Variants in IKBKB observed in about 807,000 individuals in gnomAD.
The protein encoded by IKBKB is inhibitor of nuclear factor kappa B kinase subunit beta, also known as inhibitor of nuclear factor kappa-B kinase subunit beta.
IKBKB carries 42 observed loss-of-function variants against 113.6 expected under a neutral mutation model. That is an observed-to-expected ratio of 0.37 (90% confidence interval 0.29 to 0.48). The LOEUF (loss-of-function observed/expected upper bound fraction) is 0.48, where lower values mean the gene tolerates loss of function less well. Ranked by LOEUF, IKBKB falls within the 20% of genes least tolerant of loss-of-function variation. IKBKB has a pLI of 0.99. For missense variants in IKBKB, 673 were observed against 939.7 expected (o/e 0.72, Z 3.71); for synonymous variants, 296 against 361.3 (o/e 0.82, Z 2.05).
At chr8:42,277,543 C>T (rs1357869611) in intron 2 of IKBKB, among the ~76,000 whole-genome samples, 1 of 152,160 alleles carries the variant, frequency 6.6e-6, no homozygotes, top group East Asian at 1.9e-4. Context: ...CGGCTGAACC[C>T]CACACAGTCT....
intron 19 of IKBKB, chr8:42,325,367 A>G (rs778223246): frequency 5.9e-5 from 58 of 985,720 alleles, no homozygotes; most frequent in Non-Finnish European, 6.0e-5. Flanking sequence ...AAACAGTAAG[A>G]ATACTTTCCT....
At chr8:42,306,153 C>T (rs957936602) in intron 6 of IKBKB, among the ~76,000 whole-genome samples, 190 bp from the exon 7 acceptor site, 1 of 152,158 alleles carries the variant, frequency 6.6e-6, no homozygotes, top group African/African-American at 2.4e-5. Flanking sequence ...TACAATATGC[C>T]TTTTCTTTTA....
Position 42,319,665 on chromosome 8 carries a change from G to A in IKBKB, c.1578+19G>A. The A allele has an allele frequency of 6.4e-7, 1 of 1,570,660 alleles. No homozygotes were observed. The highest frequency in any genetic ancestry group is 8.6e-7 in the Non-Finnish European group (1 of 1,164,214). On this transcript the variant is annotated intron_variant, in intron 15 of 21. Coordinates refer to ENST00000520810, the MANE Select transcript of IKBKB (RefSeq NM_001556.3). Reference sequence around the variant, plus strand: ...TGGGCGGGTAGGAGACTCATTTTGGGTTTCGGAACTTACCAAGGGGGTGAG... The same window carrying A: ...TGGGCGGGTAGGAGACTCATTTTGGATTTCGGAACTTACCAAGGGGGTGAG...
chr8:42,293,686 C>T, intron 5 of IKBKB, 174 bp downstream of exon 5: 1 of 988,124 alleles, frequency 1.0e-6, no homozygotes, highest in Non-Finnish European at 1.5e-6. Context: ...AAGGAGTCAG[C>T]CAGACAGATG....
At chr8:42,290,872 G>A (rs949432252) in intron 4 of IKBKB, among the ~76,000 whole-genome samples, 3 of 152,198 alleles carry the variant, frequency 2.0e-5, no homozygotes, top group Admixed American at 1.3e-4. Flanking sequence ...GTTCACTTCT[G>A]GTGGGTGGAT....
chr8:42,320,433 G>A (rs1819540158), intron 15 of IKBKB: 1 of 301,904 alleles, frequency 3.3e-6, no homozygotes, highest in Admixed American at 4.9e-5. Flanking sequence ...CAGGCACCAT[G>A]CCAGAGGCTT....
chr8:42,305,074 A>G (rs1255771754), intron 5 of IKBKB, 113 bp from the exon 6 acceptor site: 2 of 725,004 alleles, frequency 2.8e-6, no homozygotes, highest in South Asian at 3.2e-5. Flanking sequence ...GTATTGCGCT[A>G]CAAGTCAGAG....
At chr8:42,284,850 T>C (rs1811087612) in intron 2 of IKBKB, among the ~76,000 whole-genome samples, 1 of 137,828 alleles carries the variant, frequency 7.3e-6, no homozygotes, top group Non-Finnish European at 1.5e-5. Flanking sequence ...AGAAACGTTA[T>C]TCTTTTTTTT....
intron 5 of IKBKB, among the ~76,000 whole-genome samples, chr8:42,299,408 C>T (rs1348668775): frequency 6.6e-6 from 1 of 152,178 alleles, no homozygotes; most frequent in Non-Finnish European, 1.5e-5. Flanking sequence ...GATAAAGGCC[C>T]AGCCCCTTCG....
At chr8:42,328,000 C>CG (rs1821127562) in intron 20 of IKBKB, among the ~76,000 whole-genome samples, 1 of 37,842 alleles carries the variant, frequency 2.6e-5, no homozygotes, top group African/African-American at 4.0e-5. Context: ...TTAGTAGAGA[C>CG]GGGGTTTCAC....
intron 20 of IKBKB, 164 bp downstream of exon 20, chr8:42,326,261 G>A: frequency 3.9e-6 from 3 of 777,218 alleles, no homozygotes; most frequent in Non-Finnish European, 6.0e-6. Flanking sequence ...ATACATGTTT[G>A]GCTCTCATAG....
intron 5 of IKBKB, among the ~76,000 whole-genome samples, chr8:42,297,764 G>T (rs563086280): frequency 6.6e-6 from 1 of 152,142 alleles, no homozygotes; most frequent in Non-Finnish European, 1.5e-5. Flanking sequence ...GCGTGGTGGC[G>T]TGTGCCTGTA....
chr8:42,272,500 T>G (rs565512711), intron 2 of IKBKB: 54 of 470,818 alleles, frequency 1.1e-4, no homozygotes, highest in Non-Finnish European at 1.8e-4. Flanking sequence ...ATACTGATAT[T>G]ATATGTTATA....
chr8:42,321,937 A>C lies in IKBKB; in HGVS notation c.1730A>C (p.Lys577Thr). Residue 577 changes from lysine to threonine, a missense_variant, in exon 17 of 22, where the codon AAA becomes ACA. Lys to Thr is a moderately conservative substitution (Grantham distance 78). This residue lies in a region of IKBKB where 506 missense variants were observed against 638.7 expected (regional missense o/e 0.79). Coordinates refer to ENST00000520810, the MANE Select transcript of IKBKB (RefSeq NM_001556.3). ...ARELYRRLRE[K>T]PRDQRTEGDS... Reference sequence around the variant, plus strand: ...GAGCTGTACAGGAGACTAAGGGAAAAACCTCGAGGTAAGTGGGGTTCTGTG... The same window carrying C: ...GAGCTGTACAGGAGACTAAGGGAAACACCTCGAGGTAAGTGGGGTTCTGTG... 3 of 1,613,294 alleles carry C rather than the reference A, an allele frequency of 1.9e-6. No individual in the cohort carries two copies. The highest frequency in any genetic ancestry group is 1.7e-6 in the Non-Finnish European group (2 of 1,179,564).
chr8:42,331,640 T>C lies in IKBKB; in HGVS notation c.*661T>C, dbSNP rs1272650560. On this transcript the variant is annotated 3_prime_UTR_variant, in exon 22 of 22. Transcript: ENST00000520810. ...GGTGGTTGTCCTCTTTTCGGCAAAG[T>C]TGGAGCGAGTGCCAAGCTCTCCATC... 1 of 552,398 alleles carries C rather than the reference T, an allele frequency of 1.8e-6. No homozygotes were observed. Among genetic ancestry groups the C allele is most frequent in the East Asian group, 3.1e-5 (1 of 32,460 alleles). The allele number at this position is 552,398 out of a possible 1,614,324, so 34.2% of individuals were successfully genotyped here. A position where few individuals can be genotyped will look rare whatever the true frequency, so the allele number is the denominator to read the frequency against.
At chr8:42,310,488 A>G (rs1817509602) in intron 8 of IKBKB, among the ~76,000 whole-genome samples, 1 of 152,200 alleles carries the variant, frequency 6.6e-6, no homozygotes, top group African/African-American at 2.4e-5. Flanking sequence ...TTTTATCCCA[A>G]TGGTAGCATT....
intron 9 of IKBKB, among the ~76,000 whole-genome samples, chr8:42,314,954 A>T (rs1269086818): frequency 2.6e-5 from 4 of 152,162 alleles, no homozygotes; most frequent in Admixed American, 2.6e-4. Context: ...AAGTTCACAT[A>T]ACAATTTATC....
chr8:42,295,696 C>T (rs971834378), intron 5 of IKBKB, among the ~76,000 whole-genome samples: 2 of 151,674 alleles, frequency 1.3e-5, no homozygotes, highest in East Asian at 3.9e-4. Flanking sequence ...ATTGCACTCC[C>T]GCCTGGTGAC....
Position 42,309,018 on chromosome 8 carries a change from G to T in IKBKB, c.685G>T (p.Val229Leu). The change falls in exon 8 of 22, where the codon GTG (valine) becomes TTG (leucine). Residue 229 changes from valine to leucine, a missense_variant. Val to Leu is a conservative substitution (Grantham distance 32). Transcript: ENST00000520810. Reference protein sequence around the residue: ...FRPFLPNWQPVQWHSKVRQKS... With the variant: ...FRPFLPNWQPLQWHSKVRQKS... ...GCCCTTCCTCCCCAACTGGCAGCCC[G>T]TGCAGTGGTGAGTGGGCCCGGGGCA... is the stretch of plus-strand genomic sequence containing the variant. 6.2e-7 allele frequency: 1 copy of T among 1,613,638 alleles called. No individual in the cohort carries two copies. Among genetic ancestry groups the T allele is most frequent in the Non-Finnish European group, 8.5e-7 (1 of 1,179,766 alleles).
Sources: gnomAD v4.1 joint callset for allele counts (sites outside exome capture counted in the v4.1 genomes callset) on GRCh38, gnomAD v4.1.1 for gene constraint, gnomAD v4.1.1 regional missense constraint, MANE v1.5 for transcripts, NCBI Gene and HGNC (gene_info 2026-07-23, HGNC 2026-07-21) for gene names.